Variants in GALNT17 observed in about 807,000 individuals in gnomAD.
The protein encoded by GALNT17 is polypeptide N-acetylgalactosaminyltransferase 17.
Under a neutral mutation model 63.7 loss-of-function variants are expected in GALNT17, and 29 were observed. The observed-to-expected ratio is 0.46, with a 90% CI of 0.34 to 0.62. The LOEUF (loss-of-function observed/expected upper bound fraction) is 0.62. Among genes scored for constraint, GALNT17 ranks in the 20% least tolerant of loss-of-function variants. GALNT17 has a pLI of 0.01. For missense variants in GALNT17, 603 were observed against 799.6 expected (o/e 0.75, Z 2.97); for synonymous variants, 305 against 318.3 (o/e 0.96, Z 0.45).
At chr7:71,296,203 T>C (rs1332847497) in intron 1 of GALNT17, among the ~76,000 whole-genome samples, 1 of 152,200 alleles carries the variant, frequency 6.6e-6, no homozygotes, top group Non-Finnish European at 1.5e-5. Flanking sequence ...CTTGATCCTA[T>C]CTATCTCTAT....
chr7:71,434,151 G>A (rs919818854), intron 5 of GALNT17, among the ~76,000 whole-genome samples: 7 of 152,158 alleles, frequency 4.6e-5, no homozygotes, highest in African/African-American at 1.4e-4. Flanking sequence ...TACTTTAGAG[G>A]TTTTGGGATT....
chr7:71,686,047 T>G (rs1028665649), intron 9 of GALNT17, among the ~76,000 whole-genome samples: 1 of 145,738 alleles, frequency 6.9e-6, no homozygotes, highest in African/African-American at 2.5e-5. Flanking sequence ...CTCCGCCTCC[T>G]GCGTTCAAGC....
chr7:71,430,935 G>A (rs1331842942), intron 5 of GALNT17, among the ~76,000 whole-genome samples: 1 of 152,130 alleles, frequency 6.6e-6, no homozygotes, highest in Non-Finnish European at 1.5e-5. Flanking sequence ...ATTTCCAGCA[G>A]GGATAGTATT....
rs186327014 is a variant in GALNT17, at chr7:71,400,692, A to G, written c.589+12291A>G. ...CTCTGTCCCAAAGTATGGTTATCTC[A>G]ATTTAATAGTAAGTCCTTTAACCAC... is the stretch of plus-strand genomic sequence containing the variant. On this transcript the variant is annotated intron_variant, in intron 3 of 10. Transcript: ENST00000333538. Among the ~76,000 whole-genome samples the G allele has an allele frequency of 3.3e-5, 5 of 152,342 alleles. No homozygotes were observed. In the East Asian group the frequency reaches 9.7e-4, roughly 29 times the overall value.
chr7:71,380,338 T>TATC (rs767785263), intron 2 of GALNT17, among the ~76,000 whole-genome samples: 8 of 152,002 alleles, frequency 5.3e-5, no homozygotes, highest in Non-Finnish European at 1.2e-4. Context: ...GTATTAATAT[T>TATC]ATTATTATTA....
At chr7:71,390,985 C>T (rs566733589) in intron 3 of GALNT17, among the ~76,000 whole-genome samples, 60 of 152,326 alleles carry the variant, frequency 3.9e-4, no homozygotes, top group Non-Finnish European at 6.8e-4. Context: ...AATGAGGCCC[C>T]GGTTCTGTGC....
At chr7:71,699,162 A>C (rs1452826257) in intron 9 of GALNT17, among the ~76,000 whole-genome samples, 1 of 91,046 alleles carries the variant, frequency 1.1e-5, no homozygotes, top group South Asian at 4.8e-4. Context: ...ACAGAGCAAG[A>C]CTCCATCTCA....
chr7:71,311,776 G>C (rs1467662215), intron 1 of GALNT17, among the ~76,000 whole-genome samples: 1 of 152,218 alleles, frequency 6.6e-6, no homozygotes, highest in Admixed American at 6.5e-5. Context: ...TTGCTCACCA[G>C]TCCCTGTGTG....
intron 1 of GALNT17, among the ~76,000 whole-genome samples, chr7:71,166,185 A>G (rs970466716): frequency 6.6e-6 from 1 of 152,206 alleles, no homozygotes; most frequent in Non-Finnish European, 1.5e-5. Context: ...TTGTAGCGCT[A>G]AAGGAAAGTT....
intron 6 of GALNT17, among the ~76,000 whole-genome samples, chr7:71,595,441 A>T (rs1033726466): frequency 6.6e-6 from 1 of 151,292 alleles, no homozygotes; most frequent in Admixed American, 6.6e-5. Context: ...CAAAAAAAAA[A>T]AAAGATGCAA....
At chr7:71,336,299 C>T (rs1032057076) in intron 2 of GALNT17, among the ~76,000 whole-genome samples, 1 of 152,078 alleles carries the variant, frequency 6.6e-6, no homozygotes, top group Non-Finnish European at 1.5e-5. Context: ...CCCGCCTTGG[C>T]CTCCCAAAGT....
intron 1 of GALNT17, among the ~76,000 whole-genome samples, chr7:71,161,760 G>A (rs1044337774): frequency 6.6e-6 from 1 of 152,208 alleles, no homozygotes; most frequent in East Asian, 1.9e-4. Flanking sequence ...GGATAATGCT[G>A]CCTTTCCACC....
chr7:71,350,972 C>T (rs1792178560), intron 2 of GALNT17, among the ~76,000 whole-genome samples: 1 of 151,984 alleles, frequency 6.6e-6, no homozygotes, highest in South Asian at 2.1e-4. Context: ...AAAATCTCAT[C>T]TCTACTAAAA....
rs112592685 is a variant in GALNT17 at position 71,168,606 on chromosome 7, C to T, written c.238+35566C>T. Among the ~76,000 whole-genome samples the T allele has an allele frequency of 6.5e-4, 99 of 151,578 alleles. 2 individuals carry two copies. The highest frequency in any genetic ancestry group is 2.3e-3 in the African/African-American group (93 of 41,294). The stretch of plus-strand genomic sequence containing the variant: ...AGAAAATTCTATATTTAAGGTGTAC[C>T]GTAACATGACGTTTTTATATACTCA... On this transcript the variant is annotated intron_variant, in intron 1 of 10. Transcript: ENST00000333538.
intron 6 of GALNT17, among the ~76,000 whole-genome samples, chr7:71,644,527 CAAA>C (rs58497593): frequency 1.3e-4 from 3 of 23,674 alleles, no homozygotes; most frequent in African/African-American, 4.9e-4. Flanking sequence ...GACTCCATCT[CAAA>C]AAAAAAAAAA....
chr7:71,178,044 G>C (rs1391955610), intron 1 of GALNT17, among the ~76,000 whole-genome samples: 1 of 152,106 alleles, frequency 6.6e-6, no homozygotes, highest in African/African-American at 2.4e-5. Context: ...ATACCATCTA[G>C]AGTCATTTCC....
At chr7:71,320,925 A>T (rs953067519) in intron 1 of GALNT17, among the ~76,000 whole-genome samples, 12 of 152,174 alleles carry the variant, frequency 7.9e-5, no homozygotes, top group Admixed American at 7.2e-4. Context: ...AGAAATTTAC[A>T]TGCTTTTGGG....
chr7:71,260,999 C>G (rs6953855), intron 1 of GALNT17, among the ~76,000 whole-genome samples: 78,969 of 152,010 alleles, frequency 0.52, 21,096 homozygotes, highest in Admixed American at 0.64. Context: ...GATCGTCACA[C>G]CGGCTCATCC....
At chr7:71,623,033 T>A (rs146774191) in intron 6 of GALNT17, among the ~76,000 whole-genome samples, 117 of 152,282 alleles carry the variant, frequency 7.7e-4, no homozygotes, top group African/African-American at 2.7e-3. Context: ...TTGGCCTACA[T>A]CACAATTCAC....
Sources: allele counts gnomAD v4.1 joint callset (sites outside exome capture counted in the v4.1 genomes callset), GRCh38; gene constraint gnomAD v4.1.1; transcripts MANE v1.5; gene names NCBI Gene and HGNC (gene_info 2026-07-23, HGNC 2026-07-21).